Variants in PHF21A observed in about 807,000 individuals in gnomAD.
The protein encoded by PHF21A is BHC80a.
In PHF21A, 11 loss-of-function variants were observed where a neutral mutation model predicts 82.5. That is an observed-to-expected ratio of 0.13 (90% CI 0.08 to 0.22). PHF21A has a LOEUF of 0.22. PHF21A is among the 10% of genes least tolerant of loss of function. The probability of loss-of-function intolerance (pLI) is 1.00; values close to 1 mark genes in which losing one functional copy is unlikely to be tolerated. For synonymous variants in PHF21A, 297 were observed against 302.8 expected, an observed-to-expected ratio of 0.98 and a Z score of 0.20; for missense variants, 579 against 837.8, an observed-to-expected ratio of 0.69 and a Z score of 3.81.
At chr11:46,091,682 C>G (rs12363382) in intron 2 of PHF21A, among the ~76,000 whole-genome samples, 4,513 of 152,266 alleles carry the variant, frequency 0.03, 76 homozygotes, top group African/African-American at 0.042. Flanking sequence ...TCAAATAGAA[C>G]AGCATATTAA....
At chr11:46,110,017 A>T (rs1376727185) in intron 1 of PHF21A, among the ~76,000 whole-genome samples, 1 of 151,744 alleles carries the variant, frequency 6.6e-6, no homozygotes, top group East Asian at 1.9e-4. Flanking sequence ...TATTGGGAGC[A>T]GGGTGGATCA....
intron 3 of PHF21A, among the ~76,000 whole-genome samples, chr11:46,087,631 GT>G (rs2096872169): frequency 6.6e-6 from 1 of 152,118 alleles, no homozygotes; most frequent in Non-Finnish European, 1.5e-5. Flanking sequence ...TTACAGACAT[GT>G]ATTTATAGTT....
At chr11:45,992,088 A>C (rs2094724045) in intron 6 of PHF21A, among the ~76,000 whole-genome samples, 1 of 152,226 alleles carries the variant, frequency 6.6e-6, no homozygotes, top group African/African-American at 2.4e-5. Context: ...TGCCCTAATA[A>C]CACTAATCAA....
chr11:46,089,759 T>C (rs2135420342), intron 3 of PHF21A, among the ~76,000 whole-genome samples: 1 of 140,284 alleles, frequency 7.1e-6, no homozygotes, highest in East Asian at 2.1e-4. Context: ...AATGTCTGAA[T>C]GTATGTGAGT....
At chr11:46,083,499 CAATTGTTACA>C (rs2096819173) in intron 4 of PHF21A, 1 of 152,194 alleles carries the variant, frequency 6.6e-6, no homozygotes, top group Non-Finnish European at 1.5e-5. Context: ...CCCATATCCC[CAATTGTTACA>C]AATTCAAAAG....
intron 1 of PHF21A, among the ~76,000 whole-genome samples, chr11:46,114,154 A>C (rs557191753): frequency 1.1e-4 from 17 of 152,252 alleles, no homozygotes; most frequent in African/African-American, 4.1e-4. Flanking sequence ...TTAGAAAAAC[A>C]GTATTCCAAC....
chr11:45,971,905 T>TTTTTTTTTTTTTTTTTTTTTTTTTTG (rs1452859819), intron 7 of PHF21A, among the ~76,000 whole-genome samples: 1 of 89,940 alleles, frequency 1.1e-5, no homozygotes, highest in Non-Finnish European at 2.2e-5. Flanking sequence ...TTTTTTTTTT[T>TTTTTTTTTTTTTTTTTTTTTTTTTTG]ATGGTGTCAC....
In PHF21A at chr11:45,936,609, T is replaced by C. The variant is rs1590906708; in HGVS notation, c.1609-40A>G. 7.8e-6 allele frequency: 10 copies of C among 1,279,494 alleles called. No individual in the cohort carries two copies. In the East Asian group the frequency reaches 2.1e-4, roughly 27 times the overall value. 79.3% of individuals were successfully genotyped at this position (1,279,494 alleles called of 1,614,324 possible). A position where few individuals can be genotyped will look rare whatever the true frequency, so the allele number is the denominator to read the frequency against. ...AGAATTTTACCTTGAGAAGGAGGTT[T>C]AAACACACATCCTCTATGTAACAGC... On this transcript the variant is annotated intron_variant, in intron 16 of 18. Transcript: ENST00000676320.
chr11:45,958,891 C>A (rs1355298658), intron 10 of PHF21A, among the ~76,000 whole-genome samples: 1 of 152,132 alleles, frequency 6.6e-6, no homozygotes, highest in African/African-American at 2.4e-5. Context: ...ACACTCCAGT[C>A]TGGGTAACAC....
At chr11:46,096,180 C>T (rs1471824169) in intron 1 of PHF21A, among the ~76,000 whole-genome samples, 2 of 152,108 alleles carry the variant, frequency 1.3e-5, no homozygotes, top group Non-Finnish European at 2.9e-5. Context: ...CTCTCTTACC[C>T]TCTCCTGGAC....
Position 45,971,890 on chromosome 11 carries a change from C to CTTTCTTTTTTTTTTTTTT in PHF21A, c.361-524_361-523insAAAAAAAAAAAAAAGAAA, listed in dbSNP as rs57081937. On this transcript the variant is annotated intron_variant, in intron 7 of 18. Coordinates refer to ENST00000676320, the MANE Select transcript of PHF21A (RefSeq NM_001352027.3). ...GTAAAAGGACAGTGTCTTTTTCTTT[C>CTTTCTTTTTTTTTTTTTT]TTTTTTTTTTTTTTTATGGTGTCAC... 3.4e-4 allele frequency among the ~76,000 whole-genome samples: 17 copies of CTTTCTTTTTTTTTTTTTT among 50,298 alleles called. 5 individuals are homozygous for CTTTCTTTTTTTTTTTTTT. The highest frequency in any genetic ancestry group is 0.02 in the Middle Eastern group (2 of 102). The allele number at this position is 50,298 out of a possible 152,430, so 33.0% of individuals were successfully genotyped here.
chr11:46,097,513 G>A lies in PHF21A; in HGVS notation c.-236-5290C>T, dbSNP rs544258755. ...ATTGAGGAAATCTACAGCAGTTTCA[G>A]GAGCAAAAGAATACTAAAATAAAGA... On this transcript the variant is annotated intron_variant, in intron 1 of 18. Coordinates refer to ENST00000676320, the MANE Select transcript of PHF21A (RefSeq NM_001352027.3). Among the ~76,000 whole-genome samples, 6 of 152,236 alleles carry A rather than the reference G, an allele frequency of 3.9e-5. No homozygotes were observed. The East Asian group carries it at 1.2e-3, about 29-fold the overall frequency.
At chr11:45,955,434 G>A (rs895645247) in intron 10 of PHF21A, among the ~76,000 whole-genome samples, 5 of 152,192 alleles carry the variant, frequency 3.3e-5, no homozygotes, top group African/African-American at 9.7e-5. Context: ...GAATAGGAAG[G>A]AGAGAAGTAT....
At chr11:45,964,862 T>G (rs1292549146) in intron 10 of PHF21A, among the ~76,000 whole-genome samples, 1 of 152,208 alleles carries the variant, frequency 6.6e-6, no homozygotes, top group Non-Finnish European at 1.5e-5. Flanking sequence ...TTTGTTTGGC[T>G]CCCCATTATC....
intron 15 of PHF21A, 22 bp from the exon 16 acceptor site, chr11:45,938,334 T>A: frequency 6.3e-7 from 1 of 1,594,954 alleles, no homozygotes; most frequent in East Asian, 2.2e-5. Context: ...AGAGGAAAGG[T>A]AAGAAAAAGG....
At chr11:46,022,606 C>A (rs1490963435) in intron 6 of PHF21A, among the ~76,000 whole-genome samples, 1 of 152,188 alleles carries the variant, frequency 6.6e-6, no homozygotes, top group African/African-American at 2.4e-5. Context: ...GGACTACAGG[C>A]ACATGCCACC....
intron 18 of PHF21A, chr11:45,934,466 A>AT: frequency 2.0e-6 from 1 of 512,186 alleles, no homozygotes; most frequent in South Asian, 2.8e-5. Context: ...GAGAAAGAGC[A>AT]TGCGGGCACC....
chr11:46,038,314 T>G (rs536162690), intron 6 of PHF21A, among the ~76,000 whole-genome samples: 34 of 151,992 alleles, frequency 2.2e-4, no homozygotes, highest in South Asian at 2.1e-4. Flanking sequence ...TTTTAGTAGA[T>G]ACGGGGTTTC....
Position 46,082,410 on chromosome 11 carries a change from G to A in PHF21A, c.54+1756C>T, listed in dbSNP as rs186273040. On this transcript the variant is annotated intron_variant, in intron 4 of 18. Coordinates refer to ENST00000676320, the MANE Select transcript of PHF21A (RefSeq NM_001352027.3). ...CCTCAATTTGTCATGATCAACAATCGTGTAGGTGACACCATATAAATTATT... is the reference window on the plus strand; with the variant it reads ...CCTCAATTTGTCATGATCAACAATCATGTAGGTGACACCATATAAATTATT... Among the ~76,000 whole-genome samples the A allele has an allele frequency of 1.3e-3, 195 of 152,260 alleles. 1 individual carries two copies. Among genetic ancestry groups the A allele is most frequent in the Non-Finnish European group, 1.9e-3 (128 of 68,012 alleles).
Sources: gnomAD v4.1 joint callset for allele counts (sites outside exome capture counted in the v4.1 genomes callset) on GRCh38, gnomAD v4.1.1 for gene constraint, MANE v1.5 for transcripts, NCBI Gene and HGNC (gene_info 2026-07-23, HGNC 2026-07-21) for gene names.